The following NAF1 variants were observed in gnomAD, a reference collection of about 807,000 sequenced individuals.
NAF1 encodes the protein H/ACA ribonucleoprotein complex non-core subunit NAF1.
In NAF1, 11 loss-of-function variants were observed where a neutral mutation model predicts 40.6. The ratio of observed to expected loss-of-function variants is 0.27; its 90% CI spans 0.17 to 0.45. The LOEUF (loss-of-function observed/expected upper bound fraction) is 0.45. Ranked by LOEUF, NAF1 falls within the 20% of genes least tolerant of loss-of-function variation. The probability of loss-of-function intolerance (pLI) is 1.00; values close to 1 mark genes in which losing one functional copy is unlikely to be tolerated. For synonymous variants in NAF1, 260 were observed against 228.5 expected, an observed-to-expected ratio of 1.14 and a Z score of -1.24; for missense variants, 607 against 611.1, an observed-to-expected ratio of 0.99 and a Z score of 0.07.
In NAF1 at chr4:163,166,662, T is replaced by A; in HGVS notation, c.66A>T (p.Gly22=). The stretch of plus-strand genomic sequence containing the variant: ...ACGGAGCCGCCGGACCTTCCCCAAC[T>A]CCAAAGTCGGTGCCATTGAATTTCA... ...ETLKFNGTDF[G]VGEGPAAPSP... The change falls in exon 1 of 8, where the codon GGA becomes GGT. Residue 22 remains glycine (G), a synonymous_variant. Coordinates refer to ENST00000274054, the MANE Select transcript of NAF1 (RefSeq NM_138386.3). 1 of 1,613,536 alleles carries A rather than the reference T, an allele frequency of 6.2e-7. No homozygotes were observed. Among genetic ancestry groups the A allele is most frequent in the Non-Finnish European group, 8.5e-7 (1 of 1,179,960 alleles).
At chr4:163,151,886 CCTAT>C (rs1454694860) in intron 2 of NAF1, among the ~76,000 whole-genome samples, 2 of 152,042 alleles carry the variant, frequency 1.3e-5, no homozygotes, top group Non-Finnish European at 2.9e-5. Context: ...ATTATAAATT[CCTAT>C]CTAATATATT....
intron 2 of NAF1, among the ~76,000 whole-genome samples, chr4:163,149,265 T>G (rs546707687): frequency 6.6e-6 from 1 of 152,180 alleles, no homozygotes; most frequent in South Asian, 2.1e-4. Context: ...TTCCTCAAGA[T>G]GGCTTGAAGT....
Position 163,166,365 on chromosome 4 carries a change from G to A in NAF1, c.363C>T (p.Asp121=). The part of the protein sequence containing the change: ...LETSDSDSDS[D]SETDSDSSSS... Reference sequence around the variant, plus strand: ...TCCGGGTCCCTTAGGCACCCGACCTGTCCGAGTCCGAATCCGAGTCCGAGG... The same window carrying A: ...TCCGGGTCCCTTAGGCACCCGACCTATCCGAGTCCGAATCCGAGTCCGAGG... Residue 121 remains aspartate, a splice_region_variant and synonymous_variant, in exon 1 of 8, where the codon GAC becomes GAT. Coordinates refer to ENST00000274054, the MANE Select transcript of NAF1 (RefSeq NM_138386.3). The A allele has an allele frequency of 6.3e-7, 1 of 1,599,116 alleles. No homozygotes were observed. The highest frequency in any genetic ancestry group is 8.5e-7 in the Non-Finnish European group (1 of 1,172,344).
At chr4:163,122,861 T>C (rs536633894), downstream of NAF1, among the ~76,000 whole-genome samples, 1 of 152,294 alleles carries the variant, frequency 6.6e-6, no homozygotes, top group South Asian at 2.1e-4. Flanking sequence ...ACTCCAGAAG[T>C]GTGAGCCAAT....
intron 7 of NAF1, among the ~76,000 whole-genome samples, chr4:163,131,066 T>A (rs1560785890): frequency 6.6e-6 from 1 of 152,058 alleles, no homozygotes; most frequent in Non-Finnish European, 1.5e-5. Flanking sequence ...AGAGATGGGG[T>A]TTCACCATGT....
chr4:163,136,823 T>C lies in NAF1; in HGVS notation c.930+376A>G, dbSNP rs1731076791. On this transcript the variant is annotated intron_variant, in intron 6 of 7. Transcript: ENST00000274054. ...AGAAGGACAGCTATTAAAAGCACCATGTCTTCATGTCCCATATGGTGTATT... is the reference window on the plus strand; with the variant it reads ...AGAAGGACAGCTATTAAAAGCACCACGTCTTCATGTCCCATATGGTGTATT... 2.6e-5 allele frequency among the ~76,000 whole-genome samples: 4 copies of C among 152,190 alleles called. 1 individual carries two copies. The highest frequency in any genetic ancestry group is 4.1e-4 in the South Asian group (2 of 4,832).
chr4:163,136,969 C>A (rs964099829), intron 6 of NAF1, among the ~76,000 whole-genome samples: 2 of 152,084 alleles, frequency 1.3e-5, no homozygotes, highest in Admixed American at 6.5e-5. Flanking sequence ...TAAAATACAA[C>A]TAAATGTAAC....
intron 7 of NAF1, among the ~76,000 whole-genome samples, chr4:163,132,148 T>C (rs1392242666): frequency 1.3e-5 from 2 of 152,212 alleles, no homozygotes; most frequent in African/African-American, 4.8e-5. Flanking sequence ...TGAAGAACAG[T>C]ATGGTAGTTT....
chr4:163,166,551 A>G lies in NAF1; in HGVS notation c.177T>C (p.Val59=), dbSNP rs1366014583. 6.3e-7 allele frequency: 1 copy of G among 1,596,178 alleles called. No homozygotes were observed. Among genetic ancestry groups the G allele is most frequent in the South Asian group, 1.1e-5 (1 of 88,810 alleles). Reference sequence around the variant, plus strand: ...GCAGAGGCTGCTCCCCGGCAGGCTTAACCTCCACGGTCTGCCCAGCGTCCG... The same window carrying G: ...GCAGAGGCTGCTCCCCGGCAGGCTTGACCTCCACGGTCTGCCCAGCGTCCG... ...GSPDAGQTVE[V]KPAGEQPLQP... The change falls in exon 1 of 8, where the codon GTT becomes GTC. Residue 59 remains valine, a synonymous_variant. Transcript: ENST00000274054.
At chr4:163,148,456 A>C in intron 2 of NAF1, 22 bp from the exon 3 acceptor site, 1 of 1,461,842 alleles carries the variant, frequency 6.8e-7, no homozygotes, top group Non-Finnish European at 9.3e-7. Flanking sequence ...AACAAAACAA[A>C]ACATTAAACT....
intron 2 of NAF1, among the ~76,000 whole-genome samples, chr4:163,155,755 G>T (rs1246782901): frequency 6.6e-6 from 1 of 152,100 alleles, no homozygotes; most frequent in African/African-American, 2.4e-5. Flanking sequence ...CAATCACTTT[G>T]CTTTTCCACG....
At chr4:163,110,370 AT>A (rs1730123534) in intron 2 of NAF1, 1 of 671,600 alleles carries the variant, frequency 1.5e-6, no homozygotes, top group Non-Finnish European at 2.7e-6. Flanking sequence ...AAATATTGTT[AT>A]AATTGTCCTA....
At chr4:163,110,501 T>G (rs1317432755) in intron 2 of NAF1, among the ~76,000 whole-genome samples, 1 of 152,176 alleles carries the variant, frequency 6.6e-6, no homozygotes, top group Non-Finnish European at 1.5e-5. Context: ...ATTTGTGATT[T>G]CAGGCATCCG....
chr4:163,165,016 C>T (rs182389942), intron 1 of NAF1, among the ~76,000 whole-genome samples: 1 of 152,308 alleles, frequency 6.6e-6, no homozygotes, highest in African/African-American at 2.4e-5. Context: ...CTCACTTTCT[C>T]TTCTTTCGCT....
chr4:163,111,244 G>A (rs2075658627), intron 2 of NAF1, among the ~76,000 whole-genome samples: 1 of 152,148 alleles, frequency 6.6e-6, no homozygotes, highest in African/African-American at 2.4e-5. Context: ...CAGAGGAGAG[G>A]GAGGAAGTAG....
At chr4:163,146,691 G>A (rs544896126) in intron 3 of NAF1, among the ~76,000 whole-genome samples, 10 of 152,124 alleles carry the variant, frequency 6.6e-5, no homozygotes, top group African/African-American at 9.7e-5. Flanking sequence ...GGTGGCTCAC[G>A]CCTGCAGCAC....
chr4:163,125,022 T>G (rs1424917444), downstream of NAF1, among the ~76,000 whole-genome samples: 3 of 152,212 alleles, frequency 2.0e-5, no homozygotes, highest in African/African-American at 7.2e-5. Context: ...TCAGTGATCT[T>G]TGATGTTACT....
At chr4:163,153,730 C>G (rs1444084703) in intron 2 of NAF1, among the ~76,000 whole-genome samples, 2 of 152,122 alleles carry the variant, frequency 1.3e-5, no homozygotes, top group African/African-American at 4.8e-5. Context: ...ACAGGCCACT[C>G]GGCTCTACCA....
chr4:163,165,804 G>GT (rs779896937), intron 1 of NAF1, among the ~76,000 whole-genome samples: 6 of 152,088 alleles, frequency 3.9e-5, no homozygotes, highest in African/African-American at 7.2e-5. Flanking sequence ...CTCACAAAAC[G>GT]TAAGAAGCAT....
Sources: gnomAD v4.1 joint callset for allele counts (sites outside exome capture counted in the v4.1 genomes callset) on GRCh38, gnomAD v4.1.1 for gene constraint, MANE v1.5 for transcripts, NCBI Gene and HGNC (gene_info 2026-07-23, HGNC 2026-07-21) for gene names.